CSMD1: variants seen among roughly 807,000 people sequenced by gnomAD.
CSMD1 encodes CUB and Sushi multiple domains 1.
A neutral mutation model predicts 417.5 loss-of-function variants in CSMD1; 213 were observed. That is an observed-to-expected ratio of 0.51 (90% confidence interval 0.46 to 0.57). CSMD1 has a LOEUF of 0.57. Among genes scored for constraint, CSMD1 ranks in the 20% least tolerant of loss-of-function variants. CSMD1 has a pLI of 0.00. For synonymous variants in CSMD1, 2,862 were observed against 1,736.8 expected, an observed-to-expected ratio of 1.65 and a Z score of -16.11; for missense variants, 6,923 against 4,529.7, an observed-to-expected ratio of 1.53 and a Z score of -15.17.
intron 38 of CSMD1, among the ~76,000 whole-genome samples, chr8:3,158,587 A>G (rs1320903185): frequency 2.6e-5 from 4 of 152,070 alleles, no homozygotes; most frequent in Non-Finnish European, 5.9e-5. Context: ...CCCTGTAAAT[A>G]CATGAATTTT....
At chr8:4,274,678 G>A (rs557390634) in intron 3 of CSMD1, among the ~76,000 whole-genome samples, 5 of 152,136 alleles carry the variant, frequency 3.3e-5, no homozygotes, top group African/African-American at 9.6e-5. Flanking sequence ...AAAATTAAAT[G>A]TTTCTTAGAA....
intron 5 of CSMD1, among the ~76,000 whole-genome samples, chr8:3,829,152 T>C (rs1202837079): frequency 9.9e-5 from 15 of 152,166 alleles, no homozygotes; most frequent in Admixed American, 9.8e-4. Flanking sequence ...CACTGCACTC[T>C]ATTTGTTGTC....
intron 3 of CSMD1, among the ~76,000 whole-genome samples, chr8:4,109,526 G>C (rs138534658): frequency 6.6e-6 from 1 of 152,080 alleles, no homozygotes; most frequent in Non-Finnish European, 1.5e-5. Context: ...ATTGTCAGTA[G>C]TCACTGAAGT....
chr8:3,556,244 G>GT (rs1230100939), intron 10 of CSMD1, among the ~76,000 whole-genome samples: 7 of 151,198 alleles, frequency 4.6e-5, no homozygotes, highest in Non-Finnish European at 2.9e-5. Flanking sequence ...TCCTTTCCAT[G>GT]TTTTTTGGTA....
At chr8:3,361,634 A>G (rs1298872481) in intron 20 of CSMD1, among the ~76,000 whole-genome samples, 5 of 136,300 alleles carry the variant, frequency 3.7e-5, no homozygotes, top group Non-Finnish European at 7.7e-5. Flanking sequence ...CCTGGGCAAC[A>G]GAGCAAGATT....
intron 10 of CSMD1, among the ~76,000 whole-genome samples, chr8:3,533,646 CT>C (rs1190416315): frequency 2.6e-5 from 4 of 152,292 alleles, no homozygotes; most frequent in African/African-American, 9.6e-5. Context: ...CTCCCAGAGG[CT>C]CTGGGAGGCC....
At chr8:4,101,580 T>C (rs548753316) in intron 3 of CSMD1, among the ~76,000 whole-genome samples, 17 of 152,352 alleles carry the variant, frequency 1.1e-4, no homozygotes, top group Admixed American at 1.0e-3. Context: ...TTTACAGAAG[T>C]ACATTTTAAA....
chr8:4,056,342 C>A (rs1488801046), intron 3 of CSMD1, among the ~76,000 whole-genome samples: 4 of 151,574 alleles, frequency 2.6e-5, no homozygotes, highest in Admixed American at 6.6e-5. Flanking sequence ...GTCAGCCTCC[C>A]AAAGTGCTGG....
intron 1 of CSMD1, among the ~76,000 whole-genome samples, chr8:4,949,305 T>C (rs1400475058): frequency 8.5e-6 from 1 of 117,512 alleles, no homozygotes; most frequent in Non-Finnish European, 2.0e-5. Flanking sequence ...AGCTGTTTTG[T>C]TAAAAAAAAG....
chr8:4,156,619 A>G (rs1266162897), intron 3 of CSMD1, among the ~76,000 whole-genome samples: 1 of 152,022 alleles, frequency 6.6e-6, no homozygotes, highest in African/African-American at 2.4e-5. Context: ...ACAATGGGAA[A>G]CAGTAGTTTT....
At chr8:3,459,302 T>G (rs1384923274) in intron 12 of CSMD1, among the ~76,000 whole-genome samples, 2 of 152,182 alleles carry the variant, frequency 1.3e-5, no homozygotes, top group Admixed American at 6.5e-5. Flanking sequence ...CAGGCCGGTG[T>G]GTCCCTCACC....
intron 3 of CSMD1, among the ~76,000 whole-genome samples, chr8:4,099,194 T>TCACACACA (rs925698428): frequency 7.0e-6 from 1 of 143,528 alleles, no homozygotes; most frequent in African/African-American, 2.7e-5. Flanking sequence ...ACATACACAC[T>TCACACACA]CACACACACA....
intron 1 of CSMD1, among the ~76,000 whole-genome samples, chr8:4,786,184 C>T (rs986821765): frequency 6.6e-6 from 1 of 152,186 alleles, no homozygotes; most frequent in African/African-American, 2.4e-5. Context: ...CCTGCTCTAC[C>T]ATCTTGGCTC....
chr8:3,147,943 T>A (rs1306873475), intron 40 of CSMD1, among the ~76,000 whole-genome samples: 1 of 152,200 alleles, frequency 6.6e-6, no homozygotes, highest in Non-Finnish European at 1.5e-5. Flanking sequence ...AAGACAAATC[T>A]TCTGGCTATT....
intron 8 of CSMD1, among the ~76,000 whole-genome samples, chr8:3,613,649 A>T (rs1421972778): frequency 6.6e-6 from 1 of 151,494 alleles, no homozygotes; most frequent in East Asian, 1.9e-4. Flanking sequence ...AAAAATGGTC[A>T]TGTCAATAGA....
At chr8:4,264,767 GGCCATTTTTGC>G (rs1015985676) in intron 3 of CSMD1, among the ~76,000 whole-genome samples, 26 of 152,142 alleles carry the variant, frequency 1.7e-4, no homozygotes, top group African/African-American at 6.0e-4. Flanking sequence ...AACGTTCTTT[GGCCATTTTTGC>G]GCCATAAACT....
intron 3 of CSMD1, among the ~76,000 whole-genome samples, chr8:4,298,937 C>G (rs751506212): frequency 2.6e-5 from 4 of 151,782 alleles, no homozygotes; most frequent in African/African-American, 9.7e-5. Flanking sequence ...TACATAAACA[C>G]ACAATACATA....
intron 3 of CSMD1, among the ~76,000 whole-genome samples, chr8:4,336,525 T>A (rs1041780898): frequency 6.6e-6 from 1 of 152,148 alleles, no homozygotes; most frequent in African/African-American, 2.4e-5. Context: ...CAATAACGTG[T>A]TCGATGAATG....
intron 26 of CSMD1, among the ~76,000 whole-genome samples, chr8:3,256,098 C>T (rs796723924): frequency 3.3e-5 from 5 of 152,140 alleles, no homozygotes; most frequent in South Asian, 2.1e-4. Flanking sequence ...GGGGCTGAGG[C>T]AGACCAATCA....
Sources: gnomAD v4.1 joint callset for allele counts (sites outside exome capture counted in the v4.1 genomes callset) on GRCh38, gnomAD v4.1.1 for gene constraint, MANE v1.5 for transcripts, NCBI Gene and HGNC (gene_info 2026-07-23, HGNC 2026-07-21) for gene names.